The following HPSE2 variants were observed in gnomAD, a reference collection of about 807,000 sequenced individuals.
HPSE2 encodes the protein inactive heparanase-2.
In HPSE2, 38 loss-of-function variants were observed where a neutral mutation model predicts 60.5. The observed-to-expected ratio is 0.63, with a 90% confidence interval of 0.48 to 0.82. HPSE2 has a LOEUF of 0.82. Ranked by LOEUF, HPSE2 falls within the 40% of genes least tolerant of loss-of-function variation. The pLI is 0.00. For synonymous variants in HPSE2, 295 were observed against 293.2 expected, an observed-to-expected ratio of 1.01 and a Z score of -0.06; for missense variants, 713 against 740.4, an observed-to-expected ratio of 0.96 and a Z score of 0.43.
At chr10:99,076,914 C>T (rs567592819) in intron 3 of HPSE2, among the ~76,000 whole-genome samples, 1 of 152,192 alleles carries the variant, frequency 6.6e-6, no homozygotes, top group Admixed American at 6.5e-5. Flanking sequence ...AAAGAACTCT[C>T]TCAGCTTTTG....
chr10:99,132,450 G>C (rs993768451), intron 3 of HPSE2, among the ~76,000 whole-genome samples: 47 of 152,078 alleles, frequency 3.1e-4, no homozygotes, highest in African/African-American at 1.1e-3. Context: ...GGGATTGCTG[G>C]CAAGATGGCC....
At chr10:99,107,903 A>G (rs930098939) in intron 3 of HPSE2, among the ~76,000 whole-genome samples, 4 of 152,200 alleles carry the variant, frequency 2.6e-5, no homozygotes, top group Admixed American at 2.6e-4. Context: ...AGAGCATCCT[A>G]TTATCCTTCT....
In HPSE2 at chr10:98,731,113, C is replaced by T. The variant is rs1027273880; in HGVS notation, c.785-9285G>A. 3.9e-5 allele frequency among the ~76,000 whole-genome samples: 6 copies of T among 152,040 alleles called. 1 individual carries two copies. The highest frequency in any genetic ancestry group is 3.9e-4 in the East Asian group (2 of 5,184). On this transcript the variant is annotated intron_variant, in intron 4 of 11. Transcript: ENST00000370552. ...CCACCTGGCCAACATGGTGAAACCC[C>T]GTCTCTACTAAAAATACAAAAATTA...
the HPSE2 span, among the ~76,000 whole-genome samples, chr10:99,270,989 T>C: frequency 6.6e-6 from 1 of 152,136 alleles, no homozygotes; most frequent in Non-Finnish European, 1.5e-5. Context: ...CATACCTTAA[T>C]ATAATAAAAG....
chr10:99,082,558 C>T lies in HPSE2; in HGVS notation c.610+61680G>A, dbSNP rs148485128. ...ACTTTCATCTACCTTATATACCCAG[C>T]CTCAGCTACATTGTTAGACCATATA... On this transcript the variant is annotated intron_variant, in intron 3 of 11. Transcript: ENST00000370552. Among the ~76,000 whole-genome samples the T allele has an allele frequency of 1.5e-4, 23 of 152,280 alleles. No individual in the cohort carries two copies. The East Asian group carries it at 4.2e-3, about 28-fold the overall frequency.
At chr10:99,235,373 G>A in intron 1 of HPSE2, 140 bp downstream of exon 1, 2 of 791,238 alleles carry the variant, frequency 2.5e-6, no homozygotes, top group Admixed American at 4.2e-5. Flanking sequence ...CACAATCCAG[G>A]AGAAGGAAAA....
intron 2 of HPSE2, among the ~76,000 whole-genome samples, chr10:99,170,847 C>T (rs183747355): frequency 1.3e-5 from 2 of 152,130 alleles, no homozygotes; most frequent in South Asian, 2.1e-4. Flanking sequence ...AACCACTGAT[C>T]GAAAACATTT....
At chr10:98,850,170 A>G (rs1442350880) in intron 3 of HPSE2, among the ~76,000 whole-genome samples, 1 of 152,212 alleles carries the variant, frequency 6.6e-6, no homozygotes, top group Non-Finnish European at 1.5e-5. Context: ...AGTCTTATAC[A>G]TGCTAATGGT....
rs200118978 is a variant in HPSE2, at chr10:98,825,388, A to G, written c.611-81332T>C. Among the ~76,000 whole-genome samples, 5 of 152,282 alleles carry G rather than the reference A, an allele frequency of 3.3e-5. No homozygotes were observed. The East Asian group carries it at 9.7e-4, about 29-fold the overall frequency. ...TGGAGAACTAGGTAAGATGCCAATTATATAAGTCCTTAAGTGTTTGCTCTT... is the reference window on the plus strand; with the variant it reads ...TGGAGAACTAGGTAAGATGCCAATTGTATAAGTCCTTAAGTGTTTGCTCTT... On this transcript the variant is annotated intron_variant, in intron 3 of 11. Transcript: ENST00000370552.
intron 2 of HPSE2, among the ~76,000 whole-genome samples, chr10:99,194,537 C>A (rs141506655): frequency 1.6e-4 from 23 of 147,114 alleles, no homozygotes; most frequent in South Asian, 1.3e-3. Flanking sequence ...AAAAAAAAAA[C>A]CCAAATAAAT....
chr10:98,909,303 T>C (rs1434700881), intron 3 of HPSE2, among the ~76,000 whole-genome samples: 1 of 152,080 alleles, frequency 6.6e-6, no homozygotes. Context: ...ATAAGGAACA[T>C]GTAATAGTTC....
At chr10:99,028,702 A>T (rs543950953) in intron 3 of HPSE2, among the ~76,000 whole-genome samples, 1 of 152,268 alleles carries the variant, frequency 6.6e-6, no homozygotes, top group Non-Finnish European at 1.5e-5. Flanking sequence ...AAAGAATAAA[A>T]TTGGAGAAAT....
intron 3 of HPSE2, among the ~76,000 whole-genome samples, chr10:98,843,656 G>A (rs1348745325): frequency 6.6e-6 from 1 of 152,132 alleles, no homozygotes; most frequent in Non-Finnish European, 1.5e-5. Flanking sequence ...ACTCACTGTT[G>A]AAAGTAGACA....
intron 3 of HPSE2, among the ~76,000 whole-genome samples, chr10:99,008,772 G>C (rs1956945114): frequency 6.6e-6 from 1 of 152,138 alleles, no homozygotes; most frequent in South Asian, 2.1e-4. Context: ...TTCTAAAGCA[G>C]CCAGACTCAG....
the HPSE2 span, among the ~76,000 whole-genome samples, chr10:99,307,976 TATC>T: frequency 2.0e-5 from 3 of 152,118 alleles, no homozygotes; most frequent in Non-Finnish European, 2.9e-5. Context: ...ATGTTAAAGT[TATC>T]ATATGTCCTA....
chr10:98,804,882 A>C (rs1362812500), intron 3 of HPSE2, among the ~76,000 whole-genome samples: 1 of 152,214 alleles, frequency 6.6e-6, no homozygotes, highest in Non-Finnish European at 1.5e-5. Flanking sequence ...CAAGCAACCC[A>C]AGTGTCCATA....
chr10:98,768,156 A>C (rs1950165961), intron 3 of HPSE2, among the ~76,000 whole-genome samples: 1 of 152,106 alleles, frequency 6.6e-6, no homozygotes, highest in Admixed American at 6.6e-5. Context: ...TTGGAAGCAA[A>C]TAGTCCTTGT....
chr10:99,185,174 T>C (rs2488344), intron 2 of HPSE2, among the ~76,000 whole-genome samples: 105,077 of 151,364 alleles, frequency 0.69, 39,666 homozygotes, highest in Non-Finnish European at 0.82. Context: ...TGTGATGACG[T>C]ACACTTGTAA....
At chr10:99,301,529 G>A in the HPSE2 span, among the ~76,000 whole-genome samples, 1 of 152,206 alleles carries the variant, frequency 6.6e-6, no homozygotes, top group Non-Finnish European at 1.5e-5. Flanking sequence ...CAGCCACATG[G>A]AACTGTAAGT....
Sources: allele counts gnomAD v4.1 joint callset (sites outside exome capture counted in the v4.1 genomes callset), GRCh38; gene constraint gnomAD v4.1.1; transcripts MANE v1.5; gene names NCBI Gene and HGNC (gene_info 2026-07-23, HGNC 2026-07-21).